PLCL1: variants seen among roughly 807,000 people sequenced by gnomAD.
The protein encoded by PLCL1 is inactive phospholipase C-like protein 1.
Under a neutral mutation model 84.4 loss-of-function variants are expected in PLCL1, and 41 were observed. That is an observed-to-expected ratio of 0.49 (90% CI 0.38 to 0.63). PLCL1 has a LOEUF of 0.63. Ranked by LOEUF, PLCL1 falls within the 30% of genes least tolerant of loss-of-function variation. The probability of loss-of-function intolerance (pLI) is 0.00; values close to 1 mark genes in which losing one functional copy is unlikely to be tolerated. For synonymous variants in PLCL1, 490 were observed against 488.3 expected (o/e 1.00, Z -0.05); for missense variants, 1,206 against 1,367.8 (o/e 0.88, Z 1.87).
At chr2:197,815,258 A>T (rs777545389) in intron 1 of PLCL1, among the ~76,000 whole-genome samples, 5 of 152,160 alleles carry the variant, frequency 3.3e-5, no homozygotes, top group Non-Finnish European at 7.4e-5. Flanking sequence ...TAGGGTCTTT[A>T]TGAATTATGC....
intron 5 of PLCL1, among the ~76,000 whole-genome samples, chr2:198,137,328 A>T (rs1574339095): frequency 2.0e-5 from 3 of 152,274 alleles, no homozygotes. Context: ...ATGGCTCGAA[A>T]ATTTGAAATA....
intron 1 of PLCL1, among the ~76,000 whole-genome samples, chr2:197,808,111 T>C (rs1690518244): frequency 6.6e-6 from 1 of 152,222 alleles, no homozygotes. Flanking sequence ...TTAAAAACGT[T>C]CAATGTGAGA....
chr2:198,046,122 C>T (rs1390349968), intron 1 of PLCL1, among the ~76,000 whole-genome samples: 1 of 152,146 alleles, frequency 6.6e-6, no homozygotes, highest in Non-Finnish European at 1.5e-5. Flanking sequence ...TAAAGTTTTA[C>T]TGGAACACAG....
rs189763286 is a variant in PLCL1 at position 197,892,882 on chromosome 2, C to T, written c.240+87543C>T. On this transcript the variant is annotated intron_variant, in intron 1 of 5. Transcript: ENST00000428675. ...TGGTGGCACGCGCCTGTAGTCCCAG[C>T]TACTCAGGAGGCTGAGGCAGGAGAA... 1.8e-3 allele frequency among the ~76,000 whole-genome samples: 269 copies of T among 152,216 alleles called. 1 individual carries two copies. Among genetic ancestry groups the T allele is most frequent in the African/African-American group, 5.9e-3 (245 of 41,542 alleles).
intron 1 of PLCL1, among the ~76,000 whole-genome samples, chr2:197,871,931 C>G (rs1687657552): frequency 6.6e-6 from 1 of 152,090 alleles, no homozygotes; most frequent in Non-Finnish European, 1.5e-5. Context: ...CTCTAATAAA[C>G]CCAAGGACAT....
At chr2:198,007,042 A>G (rs1297923635) in intron 1 of PLCL1, among the ~76,000 whole-genome samples, 1 of 152,222 alleles carries the variant, frequency 6.6e-6, no homozygotes, top group Non-Finnish European at 1.5e-5. Flanking sequence ...GATTACAGAA[A>G]CAGATTCATG....
chr2:198,085,964 T>C lies in PLCL1; in HGVS notation c.2447T>C (p.Phe816Ser). 1.2e-6 allele frequency: 2 copies of C among 1,614,130 alleles called. No homozygotes were observed. Among genetic ancestry groups the C allele is most frequent in the East Asian group, 4.5e-5 (2 of 44,884 alleles). The part of the protein sequence containing the change: ...DEFIGQYTIP[F>S]ECLQPGYRHV... Reference sequence around the variant, plus strand: ...TTTATAGGGCAATATACGATACCATTTGAATGTTTGCAGCCTGGATATCGG... The same window carrying C: ...TTTATAGGGCAATATACGATACCATCTGAATGTTTGCAGCCTGGATATCGG... Residue 816 changes from phenylalanine (F) to serine (S), a missense_variant, in exon 2 of 6, where the codon TTT (phenylalanine) becomes TCT (serine). Physicochemically the swap from Phe to Ser is radical, Grantham distance 155. Coordinates refer to ENST00000428675, the MANE Select transcript of PLCL1 (RefSeq NM_006226.4). This position sits in a 1 kb window ranked among gnomAD's most constrained non-coding sequence, Gnocchi z 5.3.
At chr2:197,970,581 A>C (rs561572061) in intron 1 of PLCL1, among the ~76,000 whole-genome samples, 1 of 152,356 alleles carries the variant, frequency 6.6e-6, no homozygotes, top group African/African-American at 2.4e-5. Flanking sequence ...TGTTGAAATA[A>C]TATTTTGGAT....
intron 1 of PLCL1, among the ~76,000 whole-genome samples, chr2:197,993,771 G>T (rs1006546558): frequency 1.3e-5 from 2 of 152,158 alleles, no homozygotes; most frequent in African/African-American, 4.8e-5. Flanking sequence ...TCTTCTGCAG[G>T]TGCCTCCTGT....
intron 1 of PLCL1, among the ~76,000 whole-genome samples, chr2:197,829,365 G>A (rs1691005436): frequency 6.6e-6 from 1 of 152,118 alleles, no homozygotes; most frequent in Non-Finnish European, 1.5e-5. Flanking sequence ...TAAGAGCCGT[G>A]CCCTATCACC....
chr2:197,827,986 A>G (rs1014618060), intron 1 of PLCL1, among the ~76,000 whole-genome samples: 1 of 152,178 alleles, frequency 6.6e-6, no homozygotes, highest in African/African-American at 2.4e-5. Context: ...ATGAAATAAA[A>G]TATCATTTTG....
At chr2:197,866,104 T>A (rs1480729370) in intron 1 of PLCL1, among the ~76,000 whole-genome samples, 2 of 40,842 alleles carry the variant, frequency 4.9e-5, no homozygotes, top group Non-Finnish European at 8.1e-5. Flanking sequence ...TATATATATA[T>A]AAACTATATA....
intron 1 of PLCL1, among the ~76,000 whole-genome samples, chr2:197,990,541 C>T (rs563376937): frequency 6.6e-6 from 1 of 152,294 alleles, no homozygotes; most frequent in South Asian, 2.1e-4. Context: ...AGCAAAGGCA[C>T]ATCTTACATG....
intron 5 of PLCL1, among the ~76,000 whole-genome samples, chr2:198,128,096 T>C (rs1434203192): frequency 6.6e-6 from 1 of 152,188 alleles, no homozygotes; most frequent in Non-Finnish European, 1.5e-5. Context: ...ATTTTGTCTT[T>C]TTCCTTTCAT....
chr2:197,927,587 T>C lies in PLCL1; in HGVS notation c.240+122248T>C, dbSNP rs144825620. ...TGTTTTCAAGGCAAACAGCCAAGTA[T>C]TACATAAGCCAACTCACAGGGCATT... On this transcript the variant is annotated intron_variant, in intron 1 of 5. Coordinates refer to ENST00000428675, the MANE Select transcript of PLCL1 (RefSeq NM_006226.4). Among the ~76,000 whole-genome samples, 73 of 152,312 alleles carry C rather than the reference T, an allele frequency of 4.8e-4. 1 individual carries two copies. The highest frequency in any genetic ancestry group is 3.4e-3 in the Middle Eastern group (1 of 294).
rs60411488 is a variant in PLCL1 at position 197,961,238 on chromosome 2, G to GGAGA, written c.241-122494_241-122491dup. ...TTATTTGAAGGTCATTTGGGAAGGT[G>GGAGA]GAGAGAGAGAGAGAGAGAGAGAGAG... On this transcript the variant is annotated intron_variant, in intron 1 of 5. Transcript: ENST00000428675. Among the ~76,000 whole-genome samples the GGAGA allele has an allele frequency of 3.3e-3, 480 of 146,084 alleles. 4 individuals carry two copies. Among genetic ancestry groups the GGAGA allele is most frequent in the African/African-American group, 0.011 (442 of 39,820 alleles).
intron 1 of PLCL1, among the ~76,000 whole-genome samples, chr2:198,082,708 T>C (rs2105895132): frequency 6.6e-6 from 1 of 152,246 alleles, no homozygotes; most frequent in African/African-American, 2.4e-5. Flanking sequence ...TTGGGAATGA[T>C]AGACACAGTG....
At chr2:198,135,968 C>A (rs1424472774) in intron 5 of PLCL1, among the ~76,000 whole-genome samples, 1 of 152,090 alleles carries the variant, frequency 6.6e-6, no homozygotes, top group African/African-American at 2.4e-5. Context: ...GAGGATGATG[C>A]CTTTTGGGAT....
intron 1 of PLCL1, among the ~76,000 whole-genome samples, chr2:197,837,831 T>C (rs1451127364): frequency 6.6e-6 from 1 of 152,200 alleles, no homozygotes. Context: ...GAAGAAGATA[T>C]GCATCCAGTT....
Sources: gnomAD v4.1 joint callset for allele counts (sites outside exome capture counted in the v4.1 genomes callset) on GRCh38, gnomAD v4.1.1 for gene constraint, Gnocchi (gnomAD v3.1) non-coding constraint, MANE v1.5 for transcripts, NCBI Gene and HGNC (gene_info 2026-07-23, HGNC 2026-07-21) for gene names.